TPGS2: variants seen among roughly 807,000 people sequenced by gnomAD.
TPGS2 encodes polyglutamylase subunit 2.
In TPGS2, 26 loss-of-function variants were observed where a neutral mutation model predicts 31.1. The ratio of observed to expected loss-of-function variants is 0.84; its 90% CI spans 0.61 to 1.16. The LOEUF is 1.16. Ranked by LOEUF, TPGS2 falls within the 50% of genes most tolerant of loss-of-function variation. TPGS2 has a pLI of 0.00. For synonymous variants in TPGS2, 130 were observed against 136.6 expected, an observed-to-expected ratio of 0.95 and a Z score of 0.34; for missense variants, 351 against 363.8, an observed-to-expected ratio of 0.96 and a Z score of 0.29.
intron 5 of TPGS2, among the ~76,000 whole-genome samples, chr18:36,799,106 G>A (rs1009020470): frequency 6.6e-6 from 1 of 152,136 alleles, no homozygotes; most frequent in African/African-American, 2.4e-5. Context: ...CCTATACTGT[G>A]ATGTCCTGCC....
At chr18:36,790,657 G>T (rs1051841937), downstream of TPGS2, among the ~76,000 whole-genome samples, 1 of 152,134 alleles carries the variant, frequency 6.6e-6, no homozygotes, top group African/African-American at 2.4e-5. Flanking sequence ...TTTATGACAG[G>T]GATGGTCTGT....
intron 2 of TPGS2, among the ~76,000 whole-genome samples, chr18:36,811,607 G>T (rs1309232029): frequency 1.3e-5 from 2 of 152,148 alleles, no homozygotes; most frequent in Non-Finnish European, 2.9e-5. Context: ...ATTAGTGGGG[G>T]AAGCCTTTGC....
downstream of TPGS2, among the ~76,000 whole-genome samples, chr18:36,791,005 G>A (rs1464979390): frequency 1.3e-5 from 2 of 152,134 alleles, no homozygotes; most frequent in Non-Finnish European, 2.9e-5. Flanking sequence ...GGGCCTTGTG[G>A]GAGGTGATTG....
At chr18:36,784,061 G>C (rs576783) in intron 6 of TPGS2, among the ~76,000 whole-genome samples, 32,847 of 151,958 alleles carry the variant, frequency 0.22, 4,464 homozygotes, top group African/African-American at 0.38. Flanking sequence ...CAAGGAATAG[G>C]TGCTGCCCTG....
exon 7 of TPGS2, chr18:36,782,993 C>A: frequency 2.5e-6 from 1 of 398,170 alleles, no homozygotes; most frequent in South Asian, 1.3e-4. Flanking sequence ...AGAGCCCTGT[C>A]CACAAATGTC....
At chr18:36,801,768 T>C (rs2044829145) in intron 4 of TPGS2, among the ~76,000 whole-genome samples, 1 of 152,246 alleles carries the variant, frequency 6.6e-6, no homozygotes, top group African/African-American at 2.4e-5. Flanking sequence ...TTATCTTTGA[T>C]TTTGAACAAT....
intron 5 of TPGS2, 101 bp downstream of exon 5, chr18:36,800,097 A>G (rs1246636582): frequency 2.0e-6 from 2 of 1,016,990 alleles, no homozygotes; most frequent in Non-Finnish European, 3.0e-6. Flanking sequence ...GGAGCATCTC[A>G]AGAGGCCAAG....
At chr18:36,805,626 T>C in intron 3 of TPGS2, 124 bp from the exon 4 acceptor site, 1 of 1,322,444 alleles carries the variant, frequency 7.6e-7, no homozygotes, top group Non-Finnish European at 1.1e-6. Context: ...ACGAATCTGA[T>C]GGAAGGTGGG....
downstream of TPGS2, among the ~76,000 whole-genome samples, chr18:36,792,857 C>T (rs2044362851): frequency 6.6e-6 from 1 of 152,204 alleles, no homozygotes; most frequent in Non-Finnish European, 1.5e-5. Flanking sequence ...TTAGCTACAT[C>T]GATGCATCAT....
intron 1 of TPGS2, among the ~76,000 whole-genome samples, chr18:36,827,585 T>C (rs1052898508): frequency 6.6e-6 from 1 of 152,206 alleles, no homozygotes; most frequent in Non-Finnish European, 1.5e-5. Flanking sequence ...TTACAGGGAC[T>C]TGTGGGTCAT....
chr18:36,781,093 A>G (rs2043999801), downstream of TPGS2, among the ~76,000 whole-genome samples: 2 of 152,136 alleles, frequency 1.3e-5, no homozygotes, highest in African/African-American at 4.8e-5. Flanking sequence ...GCACATTACT[A>G]TGCATGCTTT....
chr18:36,818,219 A>C (rs544049196), intron 2 of TPGS2, among the ~76,000 whole-genome samples: 93 of 151,644 alleles, frequency 6.1e-4, no homozygotes, highest in African/African-American at 2.2e-3. Flanking sequence ...ACTTTTCTCA[A>C]CCTCTAGACT....
intron 3 of TPGS2, among the ~76,000 whole-genome samples, chr18:36,806,990 C>T (rs1288603435): frequency 2.0e-5 from 3 of 150,700 alleles, no homozygotes; most frequent in Non-Finnish European, 4.4e-5. Context: ...GAAGTCTGCT[C>T]TGTAGATTTG....
Position 36,795,797 on chromosome 18 carries a change from C to A in TPGS2, c.*1008G>T. 1.0e-6 allele frequency: 1 copy of A among 985,352 alleles called. No homozygotes were observed. The highest frequency in any genetic ancestry group is 4.7e-5 in the South Asian group (1 of 21,276). 61.0% of individuals were successfully genotyped at this position (985,352 alleles called of 1,614,324 possible). ...AGGAGACTGCTTGTCCTAAGGATGG[C>A]CAGGGACCAGGCAAAGTGAGGCTGG... On this transcript the variant is annotated 3_prime_UTR_variant, in exon 7 of 7. Coordinates refer to ENST00000334295, the MANE Select transcript of TPGS2 (RefSeq NM_015476.4).
intron 1 of TPGS2, among the ~76,000 whole-genome samples, chr18:36,826,954 TG>T (rs1333793159): frequency 6.6e-6 from 1 of 152,256 alleles, no homozygotes; most frequent in Non-Finnish European, 1.5e-5. Flanking sequence ...GGTTAGATTT[TG>T]TCAAATGCTT....
In TPGS2 at chr18:36,805,388, T is replaced by C. The variant is rs1368837295; in HGVS notation, c.368A>G (p.Asp123Gly). 9.3e-6 allele frequency: 15 copies of C among 1,613,780 alleles called. No homozygotes were observed. The highest frequency in any genetic ancestry group is 1.3e-5 in the African/African-American group (1 of 74,920). The change falls in exon 4 of 7, where the codon GAC becomes GGC. Residue 123 changes from aspartate to glycine, a missense_variant. Physicochemically the swap from Asp to Gly is moderately conservative, Grantham distance 94. Transcript: ENST00000334295. ...PNAPTLADLE[D>G]DTHEASDDQP... ...TATCTTCCTACCTTCATGTGTATCG[T>C]CCTCCAGGTCTGCCAGAGTGGGTGC...
At position 36,800,236 on chromosome 18, in the gene TPGS2, C is replaced by T; in HGVS notation, c.458G>A (p.Ser153Asn). The T allele has an allele frequency of 6.2e-7, 1 of 1,614,190 alleles. No homozygotes were observed. Among genetic ancestry groups the T allele is most frequent in the African/African-American group, 1.3e-5 (1 of 75,062 alleles). ...VIFELDSCNG[S>N]GKVCLVYKSG... ...TTTGTAGACAAGGCAAACTTTCCCA[C>T]TGCCATTGCATGAATCCAGCTCAAA... The change falls in exon 5 of 7, where the codon AGT (serine) becomes AAT (asparagine). Residue 153 changes from serine to asparagine, a missense_variant. Ser to Asn is a conservative substitution (Grantham distance 46, BLOSUM62 1). Coordinates refer to ENST00000334295, the MANE Select transcript of TPGS2 (RefSeq NM_015476.4).
intron 4 of TPGS2, among the ~76,000 whole-genome samples, chr18:36,803,911 C>T (rs489219): frequency 0.25 from 38,612 of 151,470 alleles, 6,820 homozygotes; most frequent in African/African-American, 0.5. Context: ...TAAATAGTGA[C>T]GGGATCTCAC....
intron 1 of TPGS2, among the ~76,000 whole-genome samples, chr18:36,826,297 T>G (rs1215800571): frequency 6.6e-6 from 1 of 152,200 alleles, no homozygotes; most frequent in Non-Finnish European, 1.5e-5. Flanking sequence ...AGTGTTGGGA[T>G]TACAGGTGTG....
Sources: gnomAD v4.1 joint callset for allele counts (sites outside exome capture counted in the v4.1 genomes callset) on GRCh38, gnomAD v4.1.1 for gene constraint, MANE v1.5 for transcripts, NCBI Gene and HGNC (gene_info 2026-07-23, HGNC 2026-07-21) for gene names.